Variants in TBCD observed in about 807,000 individuals in gnomAD.
TBCD encodes tubulin folding cofactor D.
TBCD carries 105 observed loss-of-function variants against 169.3 expected under a neutral mutation model. The observed-to-expected ratio is 0.62, with a 90% CI of 0.53 to 0.73. The LOEUF (loss-of-function observed/expected upper bound fraction) is 0.73, where lower values mean the gene tolerates loss of function less well. Ranked by LOEUF, TBCD falls within the 30% of genes least tolerant of loss-of-function variation. The pLI, the probability that TBCD is intolerant of heterozygous loss-of-function variation, is 0.00. For synonymous variants in TBCD, 700 were observed against 643.9 expected (o/e 1.09, Z -1.32); for missense variants, 1,444 against 1,600.1 (o/e 0.90, Z 1.66).
chr17:82,937,360 T>C lies in TBCD; in HGVS notation c.3281T>C (p.Val1094Ala), dbSNP rs1489243224. Reference protein sequence around the residue: ...DIQKLLSGIAVFCEMVQFPGD... With the variant: ...DIQKLLSGIAAFCEMVQFPGD... The stretch of plus-strand genomic sequence containing the variant: ...CAGAAGCTCCTGTCAGGCATCGCAG[T>C]GTGAGTTTCAAGTGCTGCTGGCCTT... The change falls in exon 35 of 39, where the codon GTG (valine) becomes GCG (alanine). Residue 1094 changes from valine to alanine, a missense_variant and splice_region_variant. Coordinates refer to ENST00000355528, the MANE Select transcript of TBCD (RefSeq NM_005993.5). 1.9e-6 allele frequency: 3 copies of C among 1,613,724 alleles called. No homozygotes were observed. The Admixed American group carries it at 5.0e-5, about 27-fold the overall frequency.
At chr17:82,764,561 C>G (rs1272450011) in intron 3 of TBCD, among the ~76,000 whole-genome samples, 1 of 152,162 alleles carries the variant, frequency 6.6e-6, no homozygotes, top group Admixed American at 6.6e-5. Context: ...GGGAGAATGG[C>G]TTGAACCTGA....
intron 13 of TBCD, among the ~76,000 whole-genome samples, chr17:82,823,046 G>A (rs1410992277): frequency 1.3e-5 from 2 of 152,242 alleles, no homozygotes; most frequent in East Asian, 3.8e-4. Context: ...AGAGGGGGAA[G>A]GGGTGGAGGA....
chr17:82,906,512 A>C (rs1005203726), intron 20 of TBCD, among the ~76,000 whole-genome samples: 1 of 152,374 alleles, frequency 6.6e-6, no homozygotes, highest in East Asian at 1.9e-4. Context: ...CTATGTTTGT[A>C]CAAATAATAA....
chr17:82,772,352 C>G (rs1598423490), intron 5 of TBCD, 100 bp from the exon 6 acceptor site: 1 of 1,230,988 alleles, frequency 8.1e-7, no homozygotes, highest in Middle Eastern at 2.1e-4. Flanking sequence ...TGAACCTGGG[C>G]CCTCGGGGAG....
rs1270116419 is a variant in TBCD, at chr17:82,833,117, T to C, written c.1318+18183T>C. On this transcript the variant is annotated intron_variant, in intron 13 of 38. Coordinates refer to ENST00000355528, the MANE Select transcript of TBCD (RefSeq NM_005993.5). The surrounding 1 kb of genome is among the most constrained non-coding windows in gnomAD (Gnocchi z 4.7). ...AGTGGGTGTGTGATCGGCCACACTC[T>C]CACGTGAAATACGAAGGGGTTTGTG... Among the ~76,000 whole-genome samples the C allele has an allele frequency of 6.6e-6, 1 of 152,078 alleles. No homozygotes were observed. The highest frequency in any genetic ancestry group is 2.4e-5 in the African/African-American group (1 of 41,412).
intron 27 of TBCD, among the ~76,000 whole-genome samples, chr17:82,925,905 GC>G: frequency 6.6e-6 from 1 of 150,598 alleles, no homozygotes; most frequent in African/African-American, 2.4e-5. Flanking sequence ...GTGGGGGCTG[GC>G]CGTGGAGAGG....
intron 10 of TBCD, among the ~76,000 whole-genome samples, 196 bp from the exon 11 acceptor site, chr17:82,807,412 C>T (rs1227476068): frequency 6.6e-6 from 1 of 151,368 alleles, no homozygotes; most frequent in Non-Finnish European, 1.5e-5. Context: ...GAACAGAGAA[C>T]TTGGGAACAT....
At chr17:82,840,990 G>A (rs2054473297) in intron 13 of TBCD, among the ~76,000 whole-genome samples, 1 of 99,148 alleles carries the variant, frequency 1.0e-5, no homozygotes, top group African/African-American at 4.3e-5. Flanking sequence ...TTTTGAGACA[G>A]AGTTTCACTG....
At chr17:82,780,566 A>G (rs1180346183) in intron 6 of TBCD, among the ~76,000 whole-genome samples, 1 of 150,888 alleles carries the variant, frequency 6.6e-6, no homozygotes, top group Non-Finnish European at 1.5e-5. Flanking sequence ...CAGAGGTTGC[A>G]GTGAGTCAAG....
chr17:82,861,311 C>A (rs1357418688), intron 13 of TBCD, among the ~76,000 whole-genome samples: 3 of 152,166 alleles, frequency 2.0e-5, no homozygotes, highest in Non-Finnish European at 4.4e-5. Flanking sequence ...GTGTGCCTGG[C>A]GAGCCCTGAA....
rs184118005 is a variant in TBCD at position 82,892,098 on chromosome 17, C to G, written c.1564-1449C>G. Among the ~76,000 whole-genome samples, 49 of 151,370 alleles carry G rather than the reference C, an allele frequency of 3.2e-4. No homozygotes were observed. The East Asian group carries it at 8.7e-3, about 27-fold the overall frequency. ...TGAGCCCGCTTTTGTCTGCTCGGAGCCTGTTGTTCCAGCCCTAGCCTGGCC... is the reference window on the plus strand; with the variant it reads ...TGAGCCCGCTTTTGTCTGCTCGGAGGCTGTTGTTCCAGCCCTAGCCTGGCC... On this transcript the variant is annotated intron_variant, in intron 16 of 38. Coordinates refer to ENST00000355528, the MANE Select transcript of TBCD (RefSeq NM_005993.5).
In TBCD at chr17:82,941,383, C is replaced by T. The variant is rs375448824; in HGVS notation, c.3480-16C>T. On this transcript the variant is annotated splice_polypyrimidine_tract_variant and intron_variant, in intron 37 of 38. Coordinates refer to ENST00000355528, the MANE Select transcript of TBCD (RefSeq NM_005993.5). ...GTGGGCACTCGAGAGACTCACGGCT[C>T]TCCCTCTCCTCACAGGGACGCGGAG... 7.6e-5 allele frequency: 119 copies of T among 1,575,248 alleles called. No homozygotes were observed. The African/African-American group carries it at 1.2e-3, about 16-fold the overall frequency.
intron 16 of TBCD, among the ~76,000 whole-genome samples, chr17:82,892,235 C>T (rs975839092): frequency 3.9e-5 from 6 of 152,104 alleles, no homozygotes; most frequent in African/African-American, 1.4e-4. Context: ...TGGGCCACCC[C>T]GGATGTTTCC....
At chr17:82,812,992 T>G (rs538775461) in intron 12 of TBCD, among the ~76,000 whole-genome samples, 1 of 152,246 alleles carries the variant, frequency 6.6e-6, no homozygotes, top group Non-Finnish European at 1.5e-5. Context: ...CTAATTATTT[T>G]ATTTCATTTT....
At chr17:82,810,318 G>A (rs768154431) in intron 12 of TBCD, among the ~76,000 whole-genome samples, 19 of 152,318 alleles carry the variant, frequency 1.2e-4, no homozygotes, top group Admixed American at 5.2e-4. Flanking sequence ...TTAGCCAGAC[G>A]TGGTCCCAGC....
chr17:82,776,841 G>C (rs538348528), intron 6 of TBCD, among the ~76,000 whole-genome samples: 2 of 152,066 alleles, frequency 1.3e-5, no homozygotes, highest in Admixed American at 6.6e-5. Context: ...GCAGCCCCAG[G>C]AACACCCCAC....
intron 6 of TBCD, among the ~76,000 whole-genome samples, chr17:82,775,531 G>C (rs1239133050): frequency 6.6e-6 from 1 of 152,102 alleles, no homozygotes; most frequent in Non-Finnish European, 1.5e-5. Context: ...GGAGCAGCCT[G>C]CTCTAGCCCA....
intron 2 of TBCD, among the ~76,000 whole-genome samples, chr17:82,760,963 CT>C (rs34838658): frequency 2.8e-3 from 408 of 143,852 alleles, no homozygotes; most frequent in Middle Eastern, 7.2e-3. Context: ...GTTTTTCAGT[CT>C]TTTTTTTTTT....
intron 23 of TBCD, among the ~76,000 whole-genome samples, chr17:82,919,874 T>A (rs1373610534): frequency 6.6e-6 from 1 of 152,158 alleles, no homozygotes; most frequent in Non-Finnish European, 1.5e-5. Flanking sequence ...GGCCTCCTTG[T>A]TCACGGTGAC....
Sources: allele counts gnomAD v4.1 joint callset (sites outside exome capture counted in the v4.1 genomes callset), GRCh38; gene constraint gnomAD v4.1.1; non-coding constraint Gnocchi (gnomAD v3.1); transcripts MANE v1.5; gene names NCBI Gene and HGNC (gene_info 2026-07-23, HGNC 2026-07-21).